The following SDHB variants were observed in gnomAD, a reference collection of about 807,000 sequenced individuals.
SDHB encodes the protein succinate dehydrogenase [ubiquinone] iron-sulfur subunit, mitochondrial.
SDHB carries 21 observed loss-of-function variants against 39.7 expected under a neutral mutation model. The ratio of observed to expected loss-of-function variants is 0.53; its 90% CI spans 0.37 to 0.76. The LOEUF (loss-of-function observed/expected upper bound fraction) is 0.76, where lower values mean the gene tolerates loss of function less well. SDHB is among the 30% of genes least tolerant of loss of function. The pLI, the probability that SDHB is intolerant of heterozygous loss-of-function variation, is 0.00. For synonymous variants in SDHB, 118 were observed against 117.0 expected (o/e 1.01, Z -0.06); for missense variants, 343 against 350.9 (o/e 0.98, Z 0.18).
At position 17,053,986 on chromosome 1, in the gene SDHB, G is replaced by C; in HGVS notation, c.34C>G (p.Arg12Gly). 1 of 1,612,926 alleles carries C rather than the reference G, an allele frequency of 6.2e-7. No individual in the cohort carries two copies. Among genetic ancestry groups the C allele is most frequent in the Non-Finnish European group, 8.5e-7 (1 of 1,179,642 alleles). ...CCGCCAAGGGTTGTGGCCGGCAACC[G>C]GCGCCTCAAGGAGAGGGCGACCACC... Reference protein sequence around the residue: ...AAVVALSLRRRLPATTLGGAC... With the variant: ...AAVVALSLRRGLPATTLGGAC... The change falls in exon 1 of 8, where the codon CGG becomes GGG. Residue 12 changes from arginine (R) to glycine (G), a missense_variant. Transcript: ENST00000375499.
intron 1 of SDHB, among the ~76,000 whole-genome samples, chr1:17,047,978 C>A (rs1290458729): frequency 5.9e-5 from 9 of 152,230 alleles, no homozygotes; most frequent in Admixed American, 5.9e-4. Flanking sequence ...CATGCCAGGG[C>A]CCACATACTC....
chr1:17,051,354 G>A (rs2078146205), intron 1 of SDHB, among the ~76,000 whole-genome samples: 1 of 152,180 alleles, frequency 6.6e-6, no homozygotes, highest in African/African-American at 2.4e-5. Context: ...CAACTGAACT[G>A]AGAAGGGTGA....
chr1:17,040,328 T>C (rs1020777049), intron 2 of SDHB, among the ~76,000 whole-genome samples: 4 of 152,240 alleles, frequency 2.6e-5, no homozygotes, highest in East Asian at 1.9e-4. Context: ...ACTAAGCTTC[T>C]TGGATATGTG....
chr1:17,023,743 A>G lies in SDHB; in HGVS notation c.642+230T>C, dbSNP rs2746471. Among the ~76,000 whole-genome samples, 149,255 of 152,344 alleles carry G rather than the reference A, an allele frequency of 0.98. 73,124 individuals carry two copies. The highest frequency in any genetic ancestry group is 1 in the East Asian group (5,159 of 5,184). ...TAAACATCTGCAAGGCATGGTTTGC[A>G]CCCCTTTGGGGTGACCCTCACTGCA... On this transcript the variant is annotated intron_variant, in intron 6 of 7. Coordinates refer to ENST00000375499, the MANE Select transcript of SDHB (RefSeq NM_003000.3).
chr1:17,043,777 C>T (rs943650709), intron 2 of SDHB, among the ~76,000 whole-genome samples: 4 of 152,176 alleles, frequency 2.6e-5, no homozygotes, highest in Non-Finnish European at 5.9e-5. Context: ...CCAAGGAGTG[C>T]GGCAGCCTCT....
At chr1:17,023,853 G>T in intron 6 of SDHB, 120 bp downstream of exon 6, 1 of 749,744 alleles carries the variant, frequency 1.3e-6, no homozygotes, top group Non-Finnish European at 2.4e-6. Context: ...TGTTTGGACT[G>T]GATGGCAATG....
chr1:17,032,777 A>G, intron 3 of SDHB: 1 of 481,398 alleles, frequency 2.1e-6, no homozygotes, highest in Non-Finnish European at 3.8e-6. Flanking sequence ...GCCAGCCAGC[A>G]GGTCCTAGCT....
At chr1:17,033,595 A>G (rs1209357110) in intron 2 of SDHB, among the ~76,000 whole-genome samples, 1 of 152,230 alleles carries the variant, frequency 6.6e-6, no homozygotes, top group South Asian at 2.1e-4. Flanking sequence ...ACAGTCCCCC[A>G]GTCAAATCAC....
At chr1:17,038,911 T>C (rs540447872) in intron 2 of SDHB, among the ~76,000 whole-genome samples, 1 of 152,350 alleles carries the variant, frequency 6.6e-6, no homozygotes, top group East Asian at 1.9e-4. Flanking sequence ...CTGCATATAT[T>C]AAAGCAATCA....
At position 17,025,410 on chromosome 1, in the gene SDHB, CTT is replaced by C. The variant is rs35841405; in HGVS notation, c.541-1338_541-1337del. On this transcript the variant is annotated intron_variant, in intron 5 of 7. Coordinates refer to ENST00000375499, the MANE Select transcript of SDHB (RefSeq NM_003000.3). ...TGTTTTGGTGGTGGAATTATAAATT[CTT>C]TTTTTTTTTTTTTTTGAGACAGGGT... Among the ~76,000 whole-genome samples the C allele has an allele frequency of 3.8e-3, 481 of 125,946 alleles. 1 individual carries two copies. The highest frequency in any genetic ancestry group is 4.4e-3 in the African/African-American group (156 of 35,284). The allele number at this position is 125,946 out of a possible 152,430, so 82.6% of individuals were successfully genotyped here. A position where few individuals can be genotyped will look rare whatever the true frequency, so the allele number is the denominator to read the frequency against.
At chr1:17,045,842 C>T (rs1171258164) in intron 1 of SDHB, among the ~76,000 whole-genome samples, 1 of 152,158 alleles carries the variant, frequency 6.6e-6, no homozygotes, top group Non-Finnish European at 1.5e-5. Context: ...AATAGGAAAC[C>T]CGTACAGGGT....
At chr1:17,023,911 C>A (rs2077976845) in intron 6 of SDHB, 62 bp downstream of exon 6, 4 of 1,267,172 alleles carry the variant, frequency 3.2e-6, no homozygotes, top group Non-Finnish European at 4.6e-6. Context: ...AATCTATTGT[C>A]CTCTTGGACT....
At chr1:17,043,878 C>T (rs2078094805) in intron 2 of SDHB, among the ~76,000 whole-genome samples, 1 of 152,124 alleles carries the variant, frequency 6.6e-6, no homozygotes, top group South Asian at 2.1e-4. Flanking sequence ...ACCAATAGCG[C>T]AAATGAGCAA....
Position 17,029,784 on chromosome 1 carries a change from T to C in SDHB, c.287-1048A>G, listed in dbSNP as rs1387452784. Among the ~76,000 whole-genome samples the C allele has an allele frequency of 3.9e-5, 6 of 152,278 alleles. No homozygotes were observed. In the South Asian group the frequency reaches 8.3e-4, roughly 21 times the overall value. On this transcript the variant is annotated intron_variant, in intron 3 of 7. Coordinates refer to ENST00000375499, the MANE Select transcript of SDHB (RefSeq NM_003000.3). The stretch of plus-strand genomic sequence containing the variant: ...TGTCACCCAGGCTGAAGTACAGTGG[T>C]GGAGTCATAGCTCACTGTAGCTCAC...
chr1:17,028,630 T>C lies in SDHB; in HGVS notation c.393A>G (p.Pro131=). The C allele has an allele frequency of 1.9e-6, 3 of 1,614,172 alleles. No homozygotes were observed. In the South Asian group the frequency reaches 3.3e-5, roughly 18 times the overall value. ...LNKVSKIYPL[P]HMYVIKDLVP... ...CAAGATCCTTTATCACATACATGTG[T>C]GGAAGAGGGTAGATTTTTGAGACCT... Residue 131 remains proline, a synonymous_variant, in exon 4 of 8, where the codon CCA becomes CCG. Transcript: ENST00000375499.
intron 2 of SDHB, among the ~76,000 whole-genome samples, chr1:17,041,274 A>C (rs753138752): frequency 2.6e-5 from 4 of 152,206 alleles, no homozygotes; most frequent in African/African-American, 7.2e-5. Flanking sequence ...ATTTTTCAGT[A>C]CTAGATTTTC....
At chr1:17,020,103 C>T (rs1362315006) in intron 7 of SDHB, among the ~76,000 whole-genome samples, 1 of 152,206 alleles carries the variant, frequency 6.6e-6, no homozygotes, top group African/African-American at 2.4e-5. Flanking sequence ...ACACAAGAAT[C>T]TGACTTCTAG....
chr1:17,030,589 G>C (rs1570949915), intron 3 of SDHB, among the ~76,000 whole-genome samples: 1 of 152,088 alleles, frequency 6.6e-6, no homozygotes, highest in East Asian at 1.9e-4. Context: ...AAATGATTAT[G>C]TACTCTAAAC....
At position 17,027,743 on chromosome 1, in the gene SDHB, A is replaced by C. The variant is rs1373308673; in HGVS notation, c.540+6T>G. 6.8e-7 allele frequency: 1 copy of C among 1,467,194 alleles called. No homozygotes were observed. The highest frequency in any genetic ancestry group is 1.7e-5 in the Admixed American group (1 of 59,858). 90.9% of individuals were successfully genotyped at this position (1,467,194 alleles called of 1,614,324 possible). The stretch of plus-strand genomic sequence containing the variant: ...CAGATTGAAACAATAAATAGGGACT[A>C]ATGACCAGTTTCTCACGCTCTTCTA... On this transcript the variant is annotated splice_donor_region_variant and intron_variant, in intron 5 of 7. Transcript: ENST00000375499.
Sources: allele counts gnomAD v4.1 joint callset (sites outside exome capture counted in the v4.1 genomes callset), GRCh38; gene constraint gnomAD v4.1.1; transcripts MANE v1.5; gene names NCBI Gene and HGNC (gene_info 2026-07-23, HGNC 2026-07-21).